Variants in TANC2 observed in about 807,000 individuals in gnomAD.
TANC2 encodes the protein tetratricopeptide repeat, ankyrin repeat and coiled-coil containing 2, also known as protein TANC2.
A neutral mutation model predicts 210.5 loss-of-function variants in TANC2; 26 were observed. That is an observed-to-expected ratio of 0.12 (90% CI 0.09 to 0.17). The LOEUF (loss-of-function observed/expected upper bound fraction) is 0.17. Ranked by LOEUF, TANC2 falls within the 10% of genes least tolerant of loss-of-function variation. The pLI is 1.00. For missense variants in TANC2, 2,129 were observed against 2,608.9 expected (o/e 0.82, Z 4.01); for synonymous variants, 931 against 967.1 (o/e 0.96, Z 0.69).
chr17:63,337,535 A>G lies in TANC2; in HGVS notation c.1576-2566A>G, dbSNP rs138066848. Among the ~76,000 whole-genome samples, 346 of 151,250 alleles carry G rather than the reference A, an allele frequency of 2.3e-3. 3 individuals are homozygous for G. Among genetic ancestry groups the G allele is most frequent in the South Asian group, 6.5e-3 (31 of 4,804 alleles). On this transcript the variant is annotated intron_variant, in intron 11 of 27. Coordinates refer to ENST00000689528, the Ensembl canonical transcript of TANC2. The stretch of plus-strand genomic sequence containing the variant: ...CTTCCTATTTCTTTTCTTTTTCTTT[A>G]TAGTGCTACCCACAATCACTCGTAT...
chr17:63,354,447 G>C (rs190563668), intron 13 of TANC2, among the ~76,000 whole-genome samples: 213 of 152,158 alleles, frequency 1.4e-3, no homozygotes, highest in South Asian at 5.8e-3. Flanking sequence ...ATTATGCCCT[G>C]GTTTACACTG....
intron 12 of TANC2, among the ~76,000 whole-genome samples, chr17:63,349,700 C>G (rs887657007): frequency 1.3e-5 from 2 of 152,132 alleles, no homozygotes; most frequent in South Asian, 4.1e-4. Context: ...GCTGATGGTG[C>G]TTAGCCAGGC....
chr17:63,025,729 G>A lies in TANC2; in HGVS notation c.67+16103G>A, dbSNP rs186839342. ...GAGAATCGCTTGAACCTGGGAGGTTGAGGCTGCAGTGAGCCGTGATTGCAC... is the reference window on the plus strand; with the variant it reads ...GAGAATCGCTTGAACCTGGGAGGTTAAGGCTGCAGTGAGCCGTGATTGCAC... On this transcript the variant is annotated intron_variant, in intron 2 of 27. Transcript: ENST00000689528. Among the ~76,000 whole-genome samples the A allele has an allele frequency of 3.7e-3, 569 of 152,014 alleles. 3 individuals are homozygous for A. Among genetic ancestry groups the A allele is most frequent in the African/African-American group, 0.013 (527 of 41,452 alleles).
intron 11 of TANC2, among the ~76,000 whole-genome samples, chr17:63,336,940 A>G (rs1385377423): frequency 6.6e-6 from 1 of 152,152 alleles, no homozygotes; most frequent in African/African-American, 2.4e-5. Flanking sequence ...GGAGTGATCT[A>G]ATATCTCTTA....
intron 11 of TANC2, among the ~76,000 whole-genome samples, chr17:63,324,067 T>C (rs1427458524): frequency 6.6e-6 from 1 of 152,196 alleles, no homozygotes; most frequent in Admixed American, 6.5e-5. Flanking sequence ...GCAAGAAAAT[T>C]ATAATGAAGA....
At chr17:63,216,966 T>G (rs2042042928) in intron 7 of TANC2, among the ~76,000 whole-genome samples, 1 of 152,176 alleles carries the variant, frequency 6.6e-6, no homozygotes, top group South Asian at 2.1e-4. Context: ...AAATAACACA[T>G]TTCTAAATAA....
At chr17:63,222,138 A>G (rs1457951195) in intron 7 of TANC2, among the ~76,000 whole-genome samples, 1 of 152,204 alleles carries the variant, frequency 6.6e-6, no homozygotes. Flanking sequence ...CGTAGACAGC[A>G]TCATCCTCAC....
intron 8 of TANC2, among the ~76,000 whole-genome samples, chr17:63,246,728 T>A (rs573143359): frequency 3.9e-5 from 6 of 152,278 alleles, no homozygotes; most frequent in Middle Eastern, 3.4e-3. Flanking sequence ...TAGACATTGT[T>A]TCCAATTTTG....
Position 63,412,830 on chromosome 17 carries a change from T to TA in TANC2, c.3928+125dup. The TA allele has an allele frequency of 8.1e-7, 1 of 1,229,462 alleles. No individual in the cohort carries two copies. Among genetic ancestry groups the TA allele is most frequent in the Admixed American group, 3.0e-5 (1 of 33,108 alleles). The allele number at this position is 1,229,462 out of a possible 1,614,324, so 76.2% of individuals were successfully genotyped here. ...TCTAATCTTTTAATTTACTTCACCT[T>TA]AAAAGAAGATTTTTTTTAATGACTG... On this transcript the variant is annotated intron_variant, in intron 24 of 27. Coordinates refer to ENST00000689528, the Ensembl canonical transcript of TANC2. The surrounding 1 kb of genome is among the most constrained non-coding windows in gnomAD (Gnocchi z 4.2).
intron 14 of TANC2, among the ~76,000 whole-genome samples, chr17:63,373,689 T>TA (rs1429457457): frequency 6.6e-6 from 1 of 152,156 alleles, no homozygotes; most frequent in Admixed American, 6.5e-5. Flanking sequence ...TAAAAATTAT[T>TA]AAAGTATTTT....
rs1208475225 is a variant in TANC2, at chr17:62,966,257, C to T, written c.-516C>T. On this transcript the variant is annotated 5_prime_UTR_variant, in exon 1 of 28. Coordinates refer to ENST00000689528, the Ensembl canonical transcript of TANC2. This position sits in a 1 kb window ranked among gnomAD's most constrained non-coding sequence, Gnocchi z 5.1. ...GGCGGCGGCGCTAGCGAGCGGCCGG[C>T]GGGGCGCGGGTTGCTGGGCGCGCTG... Among the ~76,000 whole-genome samples the T allele has an allele frequency of 1.4e-5, 2 of 146,042 alleles. No homozygotes were observed. The highest frequency in any genetic ancestry group is 2.4e-5 in the African/African-American group (1 of 40,840).
At chr17:63,047,214 C>T (rs2035417957) in intron 2 of TANC2, among the ~76,000 whole-genome samples, 1 of 151,958 alleles carries the variant, frequency 6.6e-6, no homozygotes, top group South Asian at 2.1e-4. Flanking sequence ...TGAAAGAAAG[C>T]CAATATTAGA....
intron 10 of TANC2, among the ~76,000 whole-genome samples, chr17:63,315,296 AT>A (rs1209859745): frequency 7.2e-5 from 11 of 152,108 alleles, no homozygotes; most frequent in African/African-American, 2.7e-4. Flanking sequence ...TTTTACAAAT[AT>A]TAATTCATCA....
intron 5 of TANC2, among the ~76,000 whole-genome samples, chr17:63,186,611 C>T (rs1361664242): frequency 6.6e-6 from 1 of 152,176 alleles, no homozygotes; most frequent in East Asian, 1.9e-4. Flanking sequence ...CCGCTTCAGC[C>T]TCCCAAAGTG....
chr17:63,413,501 T>C, intron 24 of TANC2, 42 bp from the exon 25 acceptor site: 1 of 1,502,830 alleles, frequency 6.7e-7, no homozygotes, highest in Non-Finnish European at 9.0e-7. Context: ...CACCCTTACA[T>C]TGTATGAGTT....
chr17:63,388,713 A>G (rs1427114150), exon 16 of TANC2: 4 of 1,596,270 alleles, frequency 2.5e-6, no homozygotes, highest in East Asian at 2.3e-5. Flanking sequence ...AGGTCTTTCC[A>G]TGGCACTGGC....
intron 11 of TANC2, among the ~76,000 whole-genome samples, chr17:63,324,815 C>T (rs1390949012): frequency 6.6e-6 from 1 of 152,012 alleles, no homozygotes; most frequent in Non-Finnish European, 1.5e-5. Flanking sequence ...AAATGTTCAC[C>T]ACCATATCCC....
In TANC2 at chr17:63,111,216, G is replaced by A. The variant is rs549314487; in HGVS notation, c.322+11859G>A. On this transcript the variant is annotated intron_variant, in intron 4 of 27. Transcript: ENST00000689528. ...TGTAATCCCAGCTACTCGGGAGGCT[G>A]AGGCTGGAGAATCGCTTGAACCCGA... 3.9e-5 allele frequency among the ~76,000 whole-genome samples: 6 copies of A among 152,282 alleles called. No homozygotes were observed. The East Asian group carries it at 1.2e-3, about 29-fold the overall frequency.
chr17:63,176,681 C>T (rs764038622), intron 5 of TANC2, among the ~76,000 whole-genome samples: 5 of 151,874 alleles, frequency 3.3e-5, no homozygotes, highest in Non-Finnish European at 5.9e-5. Context: ...TGGCGGGCAC[C>T]TGTAGTCCCA....
Sources: allele counts gnomAD v4.1 joint callset (sites outside exome capture counted in the v4.1 genomes callset), GRCh38; gene constraint gnomAD v4.1.1; non-coding constraint Gnocchi (gnomAD v3.1); transcripts MANE v1.5; gene names NCBI Gene and HGNC (gene_info 2026-07-23, HGNC 2026-07-21).